Variants in DNAH14 observed in about 807,000 individuals in gnomAD.
DNAH14 encodes dynein axonemal heavy chain 14, also known as axonemal beta dynein heavy chain 14.
DNAH14 carries 478 observed loss-of-function variants against 520.9 expected under a neutral mutation model. The observed-to-expected ratio is 0.92, with a 90% CI of 0.85 to 0.99. DNAH14 has a LOEUF of 0.99. Ranked by LOEUF, DNAH14 falls within the 50% of genes least tolerant of loss-of-function variation. DNAH14 has a pLI of 0.00. For synonymous variants in DNAH14, 1,581 were observed against 1,757.2 expected, an observed-to-expected ratio of 0.90 and a Z score of 2.51; for missense variants, 4,831 against 5,234.5, an observed-to-expected ratio of 0.92 and a Z score of 2.38.
chr1:225,331,652 C>A, intron 65 of DNAH14, 75 bp downstream of exon 65: 1 of 1,533,860 alleles, frequency 6.5e-7, no homozygotes, highest in Non-Finnish European at 8.8e-7. Context: ...GTTATTTTCA[C>A]TGCAGGCTGT....
intron 36 of DNAH14, among the ~76,000 whole-genome samples, chr1:225,181,961 T>G (rs999132415): frequency 1.3e-5 from 2 of 152,012 alleles, no homozygotes; most frequent in African/African-American, 4.8e-5. Flanking sequence ...CCGAGACAGG[T>G]GGATCACTTG....
chr1:225,056,961 G>C (rs1177836544), intron 17 of DNAH14, among the ~76,000 whole-genome samples: 1 of 152,180 alleles, frequency 6.6e-6, no homozygotes, highest in Non-Finnish European at 1.5e-5. Context: ...AAGTCAGGTA[G>C]CGTGATGTGT....
chr1:225,384,749 C>G (rs911324667), intron 81 of DNAH14, among the ~76,000 whole-genome samples: 2 of 151,936 alleles, frequency 1.3e-5, no homozygotes, highest in African/African-American at 4.8e-5. Flanking sequence ...GCCTACCAAC[C>G]AAAAAAAGTC....
At position 225,240,658 on chromosome 1, in the gene DNAH14, T is replaced by C; in HGVS notation, c.6584T>C (p.Phe2195Ser). ...TTAACAAAAATTATTCAAAAGCTTT[T>C]TGTGTTTGCCTTTACTTGGGCATTT... ...DKLTKIIQKL[F>S]VFAFTWAFGG... is the part of the protein sequence containing the mutation. The change falls in exon 43 of 86, where the codon TTT (phenylalanine) becomes TCT (serine). Residue 2195 changes from phenylalanine (F) to serine (S), a missense_variant. Coordinates refer to ENST00000682510, the MANE Select transcript of DNAH14 (RefSeq NM_001367479.1). The C allele has an allele frequency of 2.6e-6, 4 of 1,550,836 alleles. No homozygotes were observed. The highest frequency in any genetic ancestry group is 3.5e-6 in the Non-Finnish European group (4 of 1,146,442).
chr1:225,341,141 A>T (rs1306771150), intron 69 of DNAH14, among the ~76,000 whole-genome samples: 1 of 151,984 alleles, frequency 6.6e-6, no homozygotes, highest in Non-Finnish European at 1.5e-5. Flanking sequence ...GTCTTACTCC[A>T]TCACCCAGTC....
chr1:225,362,095 C>A (rs1269518675), intron 75 of DNAH14, among the ~76,000 whole-genome samples: 2 of 152,146 alleles, frequency 1.3e-5, no homozygotes, highest in Non-Finnish European at 2.9e-5. Flanking sequence ...ACGGACCAGG[C>A]AAACACTGTA....
intron 21 of DNAH14, 142 bp downstream of exon 21, chr1:225,085,931 T>A (rs3105565): frequency 0.91 from 774,204 of 853,810 alleles, 358,690 homozygotes; most frequent in Non-Finnish European, 0.96. Context: ...TATTTACTAG[T>A]TTGAATACCA....
intron 27 of DNAH14, among the ~76,000 whole-genome samples, chr1:225,135,328 T>C (rs2148985514): frequency 6.6e-6 from 1 of 152,294 alleles, no homozygotes; most frequent in South Asian, 2.1e-4. Flanking sequence ...GCTTTAGCTG[T>C]GTCCCAGAGA....
intron 22 of DNAH14, among the ~76,000 whole-genome samples, chr1:225,098,917 G>T (rs924894039): frequency 1.2e-4 from 18 of 152,104 alleles, no homozygotes; most frequent in African/African-American, 3.9e-4. Flanking sequence ...AGAAAAAGTG[G>T]GTCTATAGTG....
At chr1:225,179,900 G>GTT (rs112267327) in intron 36 of DNAH14, among the ~76,000 whole-genome samples, 16 of 150,124 alleles carry the variant, frequency 1.1e-4, no homozygotes, top group South Asian at 2.1e-4. Flanking sequence ...TCAGTTGACA[G>GTT]TTTTTTTTTT....
At chr1:225,123,486 G>T (rs2077446954) in intron 26 of DNAH14, 41 bp from the exon 27 acceptor site, 3 of 347,396 alleles carry the variant, frequency 8.6e-6, no homozygotes, top group African/African-American at 4.3e-5. Context: ...CACAATCAAT[G>T]ATTAAGTATA....
rs1232397537 is a variant in DNAH14, at chr1:225,264,647, CAT to C, written c.7222+389_7222+390del. 7.9e-5 allele frequency among the ~76,000 whole-genome samples: 12 copies of C among 152,112 alleles called. No individual in the cohort carries two copies. In the East Asian group the frequency reaches 1.5e-3, roughly 20 times the overall value. On this transcript the variant is annotated intron_variant, in intron 47 of 85. Transcript: ENST00000682510. Reference sequence around the variant, plus strand: ...CTCAAATCAGGCCATGCAATAGAAACATATGTGGAGTTTCAGGAGCCTCATCC... The same window carrying C: ...CTCAAATCAGGCCATGCAATAGAAACATGTGGAGTTTCAGGAGCCTCATCC...
At chr1:225,303,497 T>A in intron 57 of DNAH14, 150 bp downstream of exon 57, 1 of 664,410 alleles carries the variant, frequency 1.5e-6, no homozygotes, top group South Asian at 2.3e-5. Flanking sequence ...AATGACTCCC[T>A]ATTAATTCCC....
intron 56 of DNAH14, among the ~76,000 whole-genome samples, chr1:225,302,894 C>T (rs2094166252): frequency 6.6e-6 from 1 of 152,036 alleles, no homozygotes; most frequent in African/African-American, 2.4e-5. Context: ...ACATAAAGTC[C>T]CCTACTGAAC....
intron 66 of DNAH14, among the ~76,000 whole-genome samples, chr1:225,334,880 A>G (rs1352767869): frequency 1.6e-4 from 19 of 122,384 alleles, no homozygotes; most frequent in East Asian, 7.1e-4. Flanking sequence ...CTCTCTACAT[A>G]TATATGTGTG....
chr1:225,170,350 TCAGTGTGCTGTATTCAGGAGACC>T (rs2082485195), intron 36 of DNAH14, among the ~76,000 whole-genome samples: 1 of 152,100 alleles, frequency 6.6e-6, no homozygotes, highest in African/African-American at 2.4e-5. Flanking sequence ...TCAAGACCCA[TCAGTGTGCTGTATTCAGGAGACC>T]CATCTCACGT....
intron 8 of DNAH14, among the ~76,000 whole-genome samples, chr1:224,985,145 T>C (rs2125715248): frequency 6.6e-6 from 1 of 152,246 alleles, no homozygotes; most frequent in South Asian, 2.1e-4. Context: ...GAAGTTATTA[T>C]TCGAAAAAGA....
intron 42 of DNAH14, among the ~76,000 whole-genome samples, chr1:225,234,257 C>T (rs976920298): frequency 2.0e-5 from 3 of 151,970 alleles, no homozygotes; most frequent in African/African-American, 2.4e-5. Context: ...GGCAGGATCT[C>T]GGCTCACTGC....
intron 17 of DNAH14, among the ~76,000 whole-genome samples, chr1:225,076,561 T>G (rs1179445522): frequency 6.6e-6 from 1 of 152,150 alleles, no homozygotes; most frequent in Non-Finnish European, 1.5e-5. Flanking sequence ...CCTGTTATTA[T>G]CTGCAAAGCA....
Sources: gnomAD v4.1 joint callset for allele counts (sites outside exome capture counted in the v4.1 genomes callset) on GRCh38, gnomAD v4.1.1 for gene constraint, MANE v1.5 for transcripts, NCBI Gene and HGNC (gene_info 2026-07-23, HGNC 2026-07-21) for gene names.